CYP2S1: variants seen among roughly 807,000 people sequenced by gnomAD.
CYP2S1 encodes cytochrome P450 2S1.
Under a neutral mutation model 43.5 loss-of-function variants are expected in CYP2S1, and 32 were observed. The observed-to-expected ratio is 0.74, with a 90% confidence interval of 0.56 to 0.99. The LOEUF is 0.99. Among genes scored for constraint, CYP2S1 ranks in the 50% least tolerant of loss-of-function variants. The probability of loss-of-function intolerance (pLI) is 0.00; values close to 1 mark genes in which losing one functional copy is unlikely to be tolerated. For synonymous variants in CYP2S1, 283 were observed against 302.9 expected, an observed-to-expected ratio of 0.93 and a Z score of 0.68; for missense variants, 575 against 673.9, an observed-to-expected ratio of 0.85 and a Z score of 1.62.
intron 7 of CYP2S1, among the ~76,000 whole-genome samples, chr19:41,204,875 C>T (rs543880878): frequency 1.9e-4 from 29 of 152,204 alleles, no homozygotes; most frequent in African/African-American, 6.5e-4. Context: ...GGATTACAGG[C>T]GTGAGCCACT....
chr19:41,194,862 T>C (rs895834584), intron 2 of CYP2S1, among the ~76,000 whole-genome samples, 153 bp downstream of exon 2: 3 of 152,050 alleles, frequency 2.0e-5, no homozygotes, highest in Non-Finnish European at 2.9e-5. Flanking sequence ...GTGCCTGAAA[T>C]CCCAACACTT....
chr19:41,205,533 T>C (rs577747807), intron 7 of CYP2S1, among the ~76,000 whole-genome samples: 2 of 151,520 alleles, frequency 1.3e-5, no homozygotes, highest in Non-Finnish European at 2.9e-5. Context: ...CTTTCTCTCT[T>C]TCTTTCTTGA....
Position 41,197,788 on chromosome 19 carries a change from TCTC to T in CYP2S1, c.355_357del (p.Ser119del). 2 of 1,613,850 alleles carry T rather than the reference TCTC, an allele frequency of 1.2e-6. No individual in the cohort carries two copies. The highest frequency in any genetic ancestry group is 1.7e-6 in the Non-Finnish European group (2 of 1,180,008). On this transcript the variant is annotated inframe_deletion, in exon 3 of 9. Transcript: ENST00000310054. ...CTAGCCTTCTGCGCAGGGGTTTTCT[TCTC>T]CAACGGGGAGCGGTGGAGGCAGCTG...
chr19:41,206,836 A>G lies in CYP2S1; in HGVS notation c.*348A>G, dbSNP rs1360816764. The stretch of plus-strand genomic sequence containing the variant: ...GTGGGAGTCTGGCTGTCACCTTCAC[A>G]AGCCACAGAAACGGCCACACATGTT... On this transcript the variant is annotated 3_prime_UTR_variant, in exon 9 of 9. Coordinates refer to ENST00000310054, the MANE Select transcript of CYP2S1 (RefSeq NM_030622.8). 2.0e-6 allele frequency: 1 copy of G among 497,192 alleles called. No individual in the cohort carries two copies. The highest frequency in any genetic ancestry group is 1.9e-5 in the African/African-American group (1 of 51,698). The allele number at this position is 497,192 out of a possible 1,614,324, so 30.8% of individuals were successfully genotyped here. A position where few individuals can be genotyped will look rare whatever the true frequency, so the allele number is the denominator to read the frequency against.
At position 41,201,168 on chromosome 19, in the gene CYP2S1, T is replaced by C. The variant is rs140627213; in HGVS notation, c.835-63T>C. The C allele has an allele frequency of 5.5e-4, 861 of 1,564,834 alleles. 8 individuals carry two copies. In the African/African-American group the frequency reaches 0.011, roughly 20 times the overall value. On this transcript the variant is annotated intron_variant, in intron 5 of 8. Transcript: ENST00000310054. ...TTGTGTTTCCGACCCCAGGCTTGGCTGTTCTGGACATTTACTTCCCAAAGG... is the reference window on the plus strand; with the variant it reads ...TTGTGTTTCCGACCCCAGGCTTGGCCGTTCTGGACATTTACTTCCCAAAGG...
intron 7 of CYP2S1, among the ~76,000 whole-genome samples, chr19:41,204,221 G>A (rs1193330156): frequency 1.3e-5 from 2 of 152,012 alleles, no homozygotes; most frequent in African/African-American, 4.8e-5. Flanking sequence ...CTTCCCCTTT[G>A]ACTCTATCTC....
intron 5 of CYP2S1, among the ~76,000 whole-genome samples, chr19:41,200,111 G>T (rs1400934324): frequency 6.6e-6 from 1 of 151,976 alleles, no homozygotes; most frequent in African/African-American, 2.4e-5. Flanking sequence ...ATTAAATGCA[G>T]CCTCCCTGTT....
At chr19:41,194,846 T>A in intron 2 of CYP2S1, 137 bp downstream of exon 2, 1 of 1,293,520 alleles carries the variant, frequency 7.7e-7, no homozygotes, top group Non-Finnish European at 1.0e-6. Flanking sequence ...CCGGGTGCAG[T>A]GGCTAGTGCC....
Position 41,193,314 on chromosome 19 carries a change from T to C in CYP2S1, c.50T>C (p.Leu17Pro). Residue 17 changes from leucine (L) to proline (P), a missense_variant, in exon 1 of 9, where the codon CTG (leucine) becomes CCG (proline). By Grantham distance (98) the Leu-to-Pro change is moderately conservative. Coordinates refer to ENST00000310054, the MANE Select transcript of CYP2S1 (RefSeq NM_030622.8). ...WALLLALALL[L>P]LLTLALSGTR... ...CTGCTGCTGGCGCTGGCGCTGCTCC[T>C]GCTGCTGACGCTGGCGCTGTCCGGG... 8 of 1,541,954 alleles carry C rather than the reference T, an allele frequency of 5.2e-6. No homozygotes were observed. Among genetic ancestry groups the C allele is most frequent in the Non-Finnish European group, 7.0e-6 (8 of 1,144,252 alleles).
intron 2 of CYP2S1, among the ~76,000 whole-genome samples, chr19:41,196,520 C>A (rs920199427): frequency 6.6e-6 from 1 of 151,822 alleles, no homozygotes; most frequent in South Asian, 2.1e-4. Flanking sequence ...CTGGGAGGTC[C>A]GCGGTGATGG....
rs528338566 is a variant in CYP2S1 at position 41,203,612 on chromosome 19, G to A, written c.1139G>A (p.Arg380His). ...CCCCGCACCCTCATGCGGACCACCC[G>A]CTTCCGAGGGTACACCCTGCCCCAG... ...GIPRTLMRTT[R>H]FRGYTLPQGT... The change falls in exon 7 of 9, where the codon CGC becomes CAC. Residue 380 changes from arginine to histidine, a missense_variant. This residue lies in a region of CYP2S1 where 222 missense variants were observed against 306.3 expected (regional missense o/e 0.72). Transcript: ENST00000310054. 386 of 1,547,428 alleles carry A rather than the reference G, an allele frequency of 2.5e-4. 3 individuals carry two copies. The South Asian group carries it at 4.3e-3, about 17-fold the overall frequency.
At chr19:41,203,426 C>T in intron 6 of CYP2S1, 24 bp from the exon 7 acceptor site, 1 of 1,572,972 alleles carries the variant, frequency 6.4e-7, no homozygotes, top group Non-Finnish European at 8.6e-7. Flanking sequence ...CCCCGTCTGA[C>T]TCCTGCCCTC....
intron 6 of CYP2S1, among the ~76,000 whole-genome samples, chr19:41,202,504 G>A (rs1455855030): frequency 6.6e-6 from 1 of 152,056 alleles, no homozygotes; most frequent in African/African-American, 2.4e-5. Context: ...AGAAAGTATG[G>A]ATGAGCCAGG....
intron 1 of CYP2S1, 68 bp from the exon 2 acceptor site, chr19:41,194,476 G>T: frequency 6.7e-7 from 1 of 1,481,622 alleles, no homozygotes; most frequent in Admixed American, 2.5e-5. Context: ...AGTGACAGGG[G>T]CCATGATGGA....
At position 41,197,678 on chromosome 19, in the gene CYP2S1, C is replaced by T. The variant is rs2033429784; in HGVS notation, c.344-101C>T. The T allele has an allele frequency of 1.8e-5, 28 of 1,539,816 alleles. No homozygotes were observed. In the South Asian group the frequency reaches 3.2e-4, roughly 18 times the overall value. ...TCACGCCACTGCACTCCAGCCTGGG[C>T]AACAGAGCGAGATTCCGTCTCAAAA... On this transcript the variant is annotated intron_variant, in intron 2 of 8. Coordinates refer to ENST00000310054, the MANE Select transcript of CYP2S1 (RefSeq NM_030622.8).
Position 41,197,904 on chromosome 19 carries a change from G to T in CYP2S1, c.469G>T (p.Val157Leu), listed in dbSNP as rs1041455106. ...GATCCAGGCGGAGGCCCGGTGTCTG[G>T]TGGAGACATTCCAGGGGACAGAAGG... ...ELIQAEARCL[V>L]ETFQGTEGRP... The change falls in exon 3 of 9, where the codon GTG becomes TTG. Residue 157 changes from valine (V) to leucine (L), a missense_variant. This residue lies in a region of CYP2S1 where 353 missense variants were observed against 367.6 expected (regional missense o/e 0.96). Transcript: ENST00000310054. 1 of 1,613,610 alleles carries T rather than the reference G, an allele frequency of 6.2e-7. No homozygotes were observed. Among genetic ancestry groups the T allele is most frequent in the Non-Finnish European group, 8.5e-7 (1 of 1,179,832 alleles).
In CYP2S1 at chr19:41,198,943, TC is replaced by T; in HGVS notation, c.834+59del. 1.3e-6 allele frequency: 2 copies of T among 1,555,034 alleles called. No individual in the cohort carries two copies. The highest frequency in any genetic ancestry group is 1.2e-5 in the South Asian group (1 of 83,728). ...TGAATGGGCGTGGTGACCTGGCAGG[TC>T]CCCAGCCAGGTGTCCCTGGGGACCT... On this transcript the variant is annotated intron_variant, in intron 5 of 8. Transcript: ENST00000310054. This position sits in a 1 kb window ranked among gnomAD's most constrained non-coding sequence, Gnocchi z 4.9.
At chr19:41,193,467 C>A in intron 1 of CYP2S1, 26 bp downstream of exon 1, 1 of 1,412,102 alleles carries the variant, frequency 7.1e-7, no homozygotes, top group Non-Finnish European at 9.3e-7. Flanking sequence ...GACGTCCTGG[C>A]TAGGGGTGGG....
At chr19:41,205,849 A>G (rs1415426778) in intron 7 of CYP2S1, 109 bp from the exon 8 acceptor site, 16 of 1,379,050 alleles carry the variant, frequency 1.2e-5, no homozygotes, top group Non-Finnish European at 1.6e-5. Context: ...TGATGCCATT[A>G]GGTTTTGTGA....
Sources: gnomAD v4.1 joint callset for allele counts (sites outside exome capture counted in the v4.1 genomes callset) on GRCh38, gnomAD v4.1.1 for gene constraint, gnomAD v4.1.1 regional missense constraint, Gnocchi (gnomAD v3.1) non-coding constraint, MANE v1.5 for transcripts, NCBI Gene and HGNC (gene_info 2026-07-23, HGNC 2026-07-21) for gene names.